Variants in IGF1 observed in about 807,000 individuals in gnomAD.
IGF1 encodes insulin-like growth factor 1.
IGF1 carries 4 observed loss-of-function variants against 13.8 expected under a neutral mutation model. The observed-to-expected ratio is 0.29, with a 90% CI of 0.14 to 0.66. The LOEUF (loss-of-function observed/expected upper bound fraction) is 0.66. Among genes scored for constraint, IGF1 ranks in the 30% least tolerant of loss-of-function variants. The pLI is 0.78. For synonymous variants in IGF1, 76 were observed against 72.6 expected, an observed-to-expected ratio of 1.05 and a Z score of -0.23; for missense variants, 124 against 188.5, an observed-to-expected ratio of 0.66 and a Z score of 2.00.
At chr12:102,451,865 TC>T (rs1321509720) in intron 2 of IGF1, among the ~76,000 whole-genome samples, 1 of 152,042 alleles carries the variant, frequency 6.6e-6, no homozygotes, top group Non-Finnish European at 1.5e-5. Context: ...GGGGGTGGTT[TC>T]CCCCATGCTG....
chr12:102,478,241 CAAAA>C (rs1881189279), intron 1 of IGF1, among the ~76,000 whole-genome samples: 1 of 130,640 alleles, frequency 7.7e-6, no homozygotes, highest in Non-Finnish European at 1.7e-5. Flanking sequence ...TTGCCAAACA[CAAAA>C]GAAATCAATA....
chr12:102,458,407 A>ATG (rs1405949054), intron 2 of IGF1, among the ~76,000 whole-genome samples: 10 of 152,190 alleles, frequency 6.6e-5, no homozygotes, highest in African/African-American at 2.4e-4. Flanking sequence ...TTCCAACAAA[A>ATG]AGGATCATGT....
chr12:102,443,658 A>G (rs1878059319), intron 2 of IGF1, among the ~76,000 whole-genome samples: 1 of 152,074 alleles, frequency 6.6e-6, no homozygotes, highest in South Asian at 2.1e-4. Flanking sequence ...CTGGCTGGCT[A>G]CTAATGCCTC....
intron 2 of IGF1, 115 bp downstream of exon 2, chr12:102,475,528 G>C: frequency 8.3e-7 from 1 of 1,211,678 alleles, no homozygotes; most frequent in Non-Finnish European, 1.2e-6. Context: ...AGAGGCCTAG[G>C]ATGGCTGCCA....
intron 2 of IGF1, among the ~76,000 whole-genome samples, chr12:102,442,014 A>G (rs1197468451): frequency 6.7e-6 from 1 of 148,594 alleles, no homozygotes; most frequent in Admixed American, 6.9e-5. Flanking sequence ...CAGTGGTGCA[A>G]TTGTGGCTCA....
chr12:102,464,086 C>A (rs543157713), intron 2 of IGF1, among the ~76,000 whole-genome samples: 1 of 152,284 alleles, frequency 6.6e-6, no homozygotes, highest in African/African-American at 2.4e-5. Flanking sequence ...TGTTGCATAC[C>A]TTCCCTTGCC....
At chr12:102,464,748 A>G (rs2137216878) in intron 2 of IGF1, among the ~76,000 whole-genome samples, 1 of 152,266 alleles carries the variant, frequency 6.6e-6, no homozygotes, top group African/African-American at 2.4e-5. Context: ...AAACAAAAAA[A>G]TTTAATTCCC....
intron 2 of IGF1, among the ~76,000 whole-genome samples, chr12:102,448,022 A>G (rs1188316109): frequency 6.6e-6 from 1 of 152,146 alleles, no homozygotes; most frequent in Non-Finnish European, 1.5e-5. Context: ...CAATCTATCC[A>G]TCTGACAAAG....
Position 102,468,354 on chromosome 12 carries a change from A to G in IGF1, c.220+7289T>C, listed in dbSNP as rs540520606. Among the ~76,000 whole-genome samples the G allele has an allele frequency of 2.0e-5, 3 of 152,378 alleles. No individual in the cohort carries two copies. The South Asian group carries it at 6.2e-4, about 32-fold the overall frequency. On this transcript the variant is annotated intron_variant, in intron 2 of 3. Coordinates refer to ENST00000337514, the MANE Select transcript of IGF1 (RefSeq NM_000618.5). ...ACATGCAAAGGTTCTGGCCAGTTGC[A>G]GAAAGCAATATGCCAGATGTAAAGT...
chr12:102,440,873 T>C (rs779108906), intron 2 of IGF1, among the ~76,000 whole-genome samples: 8 of 152,212 alleles, frequency 5.3e-5, no homozygotes, highest in Admixed American at 2.0e-4. Context: ...AAAATAATAA[T>C]GAATAGAAAC....
chr12:102,433,816 A>C (rs1876960324), intron 2 of IGF1, among the ~76,000 whole-genome samples: 1 of 152,174 alleles, frequency 6.6e-6, no homozygotes, highest in Non-Finnish European at 1.5e-5. Flanking sequence ...GGCCAGTCTC[A>C]AGTCTCCATT....
At chr12:102,421,252 G>A (rs980961420) in intron 2 of IGF1, among the ~76,000 whole-genome samples, 6 of 151,722 alleles carry the variant, frequency 4.0e-5, no homozygotes, top group African/African-American at 1.2e-4. Flanking sequence ...TGCAGATCTC[G>A]AAGCAGACCC....
At chr12:102,446,956 T>G (rs1187486866) in intron 2 of IGF1, among the ~76,000 whole-genome samples, 1 of 152,214 alleles carries the variant, frequency 6.6e-6, no homozygotes, top group Non-Finnish European at 1.5e-5. Context: ...AAGAACTTAT[T>G]TATTTCTGCC....
At chr12:102,429,908 T>C (rs1876590548) in intron 2 of IGF1, among the ~76,000 whole-genome samples, 1 of 152,212 alleles carries the variant, frequency 6.6e-6, no homozygotes, top group Non-Finnish European at 1.5e-5. Flanking sequence ...AGAAGTCATT[T>C]TCCAATTTAT....
At chr12:102,456,221 G>GGTGTGTGTGTGTGTGT (rs59075811) in intron 2 of IGF1, among the ~76,000 whole-genome samples, 1 of 140,188 alleles carries the variant, frequency 7.1e-6, no homozygotes, top group Non-Finnish European at 1.5e-5. Flanking sequence ...ATTTAAAAAA[G>GGTGTGTGTGTGTGTGT]GTGTGTGTGT....
intron 2 of IGF1, among the ~76,000 whole-genome samples, chr12:102,468,841 A>C (rs1467439904): frequency 1.3e-5 from 2 of 152,228 alleles, no homozygotes; most frequent in East Asian, 3.8e-4. Context: ...GAGAACAATG[A>C]GACATCTCCT....
intron 2 of IGF1, among the ~76,000 whole-genome samples, chr12:102,466,411 G>C (rs1025035136): frequency 3.3e-5 from 5 of 152,296 alleles, no homozygotes; most frequent in Middle Eastern, 6.8e-3. Flanking sequence ...CTTGATGGTC[G>C]TGACTGGGAG....
At chr12:102,417,873 T>G (rs1429799873) in intron 3 of IGF1, 5 of 1,614,066 alleles carry the variant, frequency 3.1e-6, no homozygotes, top group Non-Finnish European at 4.2e-6. Context: ...CTCCCTCCTC[T>G]GCTCTTTCTT....
chr12:102,436,754 G>A (rs17881922), intron 2 of IGF1, among the ~76,000 whole-genome samples: 4,159 of 152,088 alleles, frequency 0.027, 79 homozygotes, highest in African/African-American at 0.041. Flanking sequence ...AGAATTTCTC[G>A]AGCGAGTGAT....
Sources: allele counts gnomAD v4.1 joint callset (sites outside exome capture counted in the v4.1 genomes callset), GRCh38; gene constraint gnomAD v4.1.1; transcripts MANE v1.5; gene names NCBI Gene and HGNC (gene_info 2026-07-23, HGNC 2026-07-21).